IGSF6: variants seen among roughly 807,000 people sequenced by gnomAD.
The protein encoded by IGSF6 is immunoglobulin superfamily member 6, also known as down-regulated by activation (immunoglobulin superfamily).
Under a neutral mutation model 24.7 loss-of-function variants are expected in IGSF6, and 23 were observed. The ratio of observed to expected loss-of-function variants is 0.93; its 90% confidence interval spans 0.67 to 1.32. The LOEUF (loss-of-function observed/expected upper bound fraction) is 1.32, where lower values mean the gene tolerates loss of function less well. IGSF6 is among the 40% of genes most tolerant of loss of function. The pLI is 0.00. For missense variants in IGSF6, 295 were observed against 293.6 expected (o/e 1.00, Z -0.04); for synonymous variants, 110 against 113.7 (o/e 0.97, Z 0.21).
chr16:21,649,176 A>G (rs1567348279), intron 1 of IGSF6, among the ~76,000 whole-genome samples: 3 of 152,134 alleles, frequency 2.0e-5, no homozygotes, highest in Non-Finnish European at 2.9e-5. Context: ...TATTTTTTGT[A>G]GAGACAGGGT....
At chr16:21,649,691 G>A (rs1966518834) in intron 1 of IGSF6, among the ~76,000 whole-genome samples, 1 of 152,042 alleles carries the variant, frequency 6.6e-6, no homozygotes, top group Non-Finnish European at 1.5e-5. Context: ...TTAAAAAGTG[G>A]ACGATTCCAT....
At chr16:21,646,640 C>G (rs909405660) in intron 2 of IGSF6, 1 of 211,764 alleles carries the variant, frequency 4.7e-6, no homozygotes, top group Non-Finnish European at 9.7e-6. Context: ...AGTGGATGTT[C>G]GAGATGGATT....
intron 5 of IGSF6, 116 bp from the exon 6 acceptor site, chr16:21,641,709 AT>A (rs1387713236): frequency 1.9e-6 from 1 of 530,594 alleles, no homozygotes; most frequent in Non-Finnish European, 3.3e-6. Context: ...AAGTGTCCAT[AT>A]GGTAATCTTA....
chr16:21,650,430 C>T lies in IGSF6; in HGVS notation c.67+2102G>A, dbSNP rs150642212. Among the ~76,000 whole-genome samples the T allele has an allele frequency of 2.5e-4, 37 of 147,812 alleles. No homozygotes were observed. The East Asian group carries it at 6.9e-3, about 28-fold the overall frequency. On this transcript the variant is annotated intron_variant, in intron 1 of 5. Transcript: ENST00000268389. ...GGCTGAAGCAGGAGAATCGCTTGAA[C>T]GTAGGAGGTGGAGGTTGCAGTGAGC...
intron 1 of IGSF6, 147 bp from the exon 2 acceptor site, chr16:21,647,639 G>T: frequency 9.4e-7 from 1 of 1,060,992 alleles, no homozygotes. Context: ...AACACCAGTG[G>T]TCCTCACTTG....
chr16:21,649,428 T>G (rs919604871), intron 1 of IGSF6, among the ~76,000 whole-genome samples: 3 of 152,172 alleles, frequency 2.0e-5, no homozygotes, highest in Non-Finnish European at 4.4e-5. Context: ...CTGAGCTTCG[T>G]GTCTGTGGGA....
At chr16:21,652,205 C>CT (rs1179451482) in intron 1 of IGSF6, 3 of 194,664 alleles carry the variant, frequency 1.5e-5, no homozygotes, top group African/African-American at 6.9e-5. Context: ...TCATTTATTG[C>CT]TTTCTATGTG....
intron 1 of IGSF6, among the ~76,000 whole-genome samples, chr16:21,648,891 G>A (rs1295208961): frequency 1.3e-5 from 2 of 152,118 alleles, no homozygotes; most frequent in Non-Finnish European, 2.9e-5. Context: ...TTCTCTTAGC[G>A]TTTCTCTTAT....
intron 1 of IGSF6, among the ~76,000 whole-genome samples, chr16:21,650,205 GTC>G (rs960224130): frequency 2.6e-5 from 4 of 152,084 alleles, no homozygotes; most frequent in Non-Finnish European, 5.9e-5. Flanking sequence ...GTGAGATCCT[GTC>G]TCTATAAAAG....
intron 1 of IGSF6, among the ~76,000 whole-genome samples, chr16:21,650,508 CAAA>C (rs3046229): frequency 7.8e-5 from 7 of 89,980 alleles, no homozygotes; most frequent in Non-Finnish European, 6.5e-5. Context: ...ACTCTTGTCT[CAAA>C]AAAAAAAAAA....
At chr16:21,646,225 A>G (rs1966425365) in intron 2 of IGSF6, among the ~76,000 whole-genome samples, 1 of 151,830 alleles carries the variant, frequency 6.6e-6, no homozygotes, top group South Asian at 2.1e-4. Context: ...AATTACTGAT[A>G]GGATTTAGCT....
chr16:21,649,104 C>T (rs1192968797), intron 1 of IGSF6, among the ~76,000 whole-genome samples: 1 of 152,100 alleles, frequency 6.6e-6, no homozygotes, highest in African/African-American at 2.4e-5. Flanking sequence ...CATCATCCTG[C>T]CTTAGCTTCT....
Position 21,646,956 on chromosome 16 carries a change from T to C in IGSF6, c.427+177A>G, listed in dbSNP as rs1966444192. On this transcript the variant is annotated intron_variant, in intron 2 of 5. Transcript: ENST00000268389. ...GGTGTGAGCCACCACGCCCAGCCAG[T>C]TGGAGTAGTTCTTTAGTCCAAACCT... is the stretch of plus-strand genomic sequence containing the variant. The C allele has an allele frequency of 3.5e-5, 28 of 789,166 alleles. 1 individual carries two copies. The South Asian group carries it at 3.8e-4, about 11-fold the overall frequency. 48.9% of individuals were successfully genotyped at this position (789,166 alleles called of 1,614,324 possible).
intron 1 of IGSF6, among the ~76,000 whole-genome samples, chr16:21,650,533 G>T (rs1164571811): frequency 6.7e-6 from 1 of 150,104 alleles, no homozygotes; most frequent in South Asian, 2.1e-4. Context: ...AAAAAATAGA[G>T]GTTGGGGTGG....
chr16:21,644,252 G>T, intron 3 of IGSF6, 38 bp downstream of exon 3: 1 of 1,342,704 alleles, frequency 7.4e-7, no homozygotes, highest in Non-Finnish European at 1.1e-6. Context: ...TAATATTCAA[G>T]GATATAGGGA....
intron 1 of IGSF6, among the ~76,000 whole-genome samples, chr16:21,650,218 G>A (rs1966531219): frequency 6.6e-6 from 1 of 152,114 alleles, no homozygotes; most frequent in Non-Finnish European, 1.5e-5. Context: ...TCTATAAAAG[G>A]AATAGAGGCT....
rs573239204 is a variant in IGSF6 at position 21,650,731 on chromosome 16, C to T, written c.67+1801G>A. Among the ~76,000 whole-genome samples, 21 of 152,106 alleles carry T rather than the reference C, an allele frequency of 1.4e-4. No homozygotes were observed. The South Asian group carries it at 3.5e-3, about 26-fold the overall frequency. ...GGAACTTGTGATGAAACTGTGGTTC[C>T]CTCCCCCAACCAGTTAGGCAACCTA... On this transcript the variant is annotated intron_variant, in intron 1 of 5. Transcript: ENST00000268389.
intron 1 of IGSF6, 79 bp from the exon 2 acceptor site, chr16:21,647,571 A>G: frequency 6.7e-7 from 1 of 1,499,104 alleles, no homozygotes; most frequent in Non-Finnish European, 8.9e-7. Flanking sequence ...GAGGTAGGAA[A>G]CCCAGCCATT....
chr16:21,641,135 G>C lies in IGSF6; in HGVS notation c.*399C>G, dbSNP rs1966254167. 6.4e-6 allele frequency: 1 copy of C among 155,658 alleles called. No homozygotes were observed. Among genetic ancestry groups the C allele is most frequent in the Non-Finnish European group, 1.4e-5 (1 of 70,538 alleles). The allele number at this position is 155,658 out of a possible 1,614,324, so 9.6% of individuals were successfully genotyped here. A position where few individuals can be genotyped will look rare whatever the true frequency, so the allele number is the denominator to read the frequency against. On this transcript the variant is annotated 3_prime_UTR_variant, in exon 6 of 6. Transcript: ENST00000268389. Reference sequence around the variant, plus strand: ...TCTCTAACTCAAATTTTGTCACGTTGTCCCTCCCAACTTATTTTAATTGTG... The same window carrying C: ...TCTCTAACTCAAATTTTGTCACGTTCTCCCTCCCAACTTATTTTAATTGTG...
Sources: allele counts gnomAD v4.1 joint callset (sites outside exome capture counted in the v4.1 genomes callset), GRCh38; gene constraint gnomAD v4.1.1; transcripts MANE v1.5; gene names NCBI Gene and HGNC (gene_info 2026-07-23, HGNC 2026-07-21).